SGCZ: variants seen among roughly 807,000 people sequenced by gnomAD.
SGCZ encodes zeta-sarcoglycan.
Under a neutral mutation model 41.3 loss-of-function variants are expected in SGCZ, and 40 were observed. That is an observed-to-expected ratio of 0.97 (90% confidence interval 0.75 to 1.26). The LOEUF (loss-of-function observed/expected upper bound fraction) is 1.26, where lower values mean the gene tolerates loss of function less well. Among genes scored for constraint, SGCZ ranks in the 50% most tolerant of loss-of-function variants. The pLI is 0.00. For synonymous variants in SGCZ, 206 were observed against 137.5 expected, an observed-to-expected ratio of 1.50 and a Z score of -3.49; for missense variants, 552 against 369.8, an observed-to-expected ratio of 1.49 and a Z score of -4.04.
chr8:14,501,896 T>G (rs1427662645), intron 2 of SGCZ, among the ~76,000 whole-genome samples: 2 of 152,104 alleles, frequency 1.3e-5, no homozygotes, highest in Non-Finnish European at 2.9e-5. Context: ...TTGGTAAATG[T>G]ATATTGAAAT....
At position 14,384,244 on chromosome 8, in the gene SGCZ, C is replaced by A. The variant is rs28374354; in HGVS notation, c.235-60040G>T. Among the ~76,000 whole-genome samples the A allele has an allele frequency of 1.5e-3, 224 of 152,168 alleles. 2 individuals carry two copies. The highest frequency in any genetic ancestry group is 4.9e-3 in the African/African-American group (204 of 41,512). ...GGTTTTTTGTCCTTGCGATAGTTTGCTGAGAATGATGGTTTCCAGCTTCAT... is the reference window on the plus strand; with the variant it reads ...GGTTTTTTGTCCTTGCGATAGTTTGATGAGAATGATGGTTTCCAGCTTCAT... On this transcript the variant is annotated intron_variant, in intron 2 of 7. Coordinates refer to ENST00000382080, the MANE Select transcript of SGCZ (RefSeq NM_139167.4).
Position 14,324,155 on chromosome 8 carries a change from C to G in SGCZ, c.284G>C (p.Gly95Ala). The change falls in exon 3 of 8, where the codon GGT becomes GCT. Residue 95 changes from glycine (G) to alanine (A), a missense_variant. By Grantham distance (60) the Gly-to-Ala change is moderately conservative. Transcript: ENST00000382080. ...CAATGGAAGTAGAAACTCAGATATA[C>G]CTTCAAGTCGGATTCCCTTCTTGGT... ...RVTKKGIRLE[G>A]ISEFLLPLYV... 1 of 1,613,122 alleles carries G rather than the reference C, an allele frequency of 6.2e-7. No homozygotes were observed. Among genetic ancestry groups the G allele is most frequent in the Non-Finnish European group, 8.5e-7 (1 of 1,179,540 alleles).
At chr8:14,188,287 A>T (rs898559025) in intron 4 of SGCZ, among the ~76,000 whole-genome samples, 2 of 152,170 alleles carry the variant, frequency 1.3e-5, no homozygotes, top group African/African-American at 4.8e-5. Context: ...AACAGAATAC[A>T]TGCATATTTC....
chr8:14,987,584 C>T (rs1801865897), intron 1 of SGCZ, among the ~76,000 whole-genome samples: 1 of 151,944 alleles, frequency 6.6e-6, no homozygotes, highest in South Asian at 2.1e-4. Context: ...AGTATACTTT[C>T]ATCTTCCACT....
intron 5 of SGCZ, among the ~76,000 whole-genome samples, chr8:14,156,086 G>T (rs1464190543): frequency 6.6e-6 from 1 of 152,146 alleles, no homozygotes. Context: ...TCGGTGAGTG[G>T]TGAGTGAATG....
In SGCZ at chr8:15,204,556, T is replaced by C. The variant is rs572670997; in HGVS notation, c.39+33029A>G. 2.7e-4 allele frequency among the ~76,000 whole-genome samples: 41 copies of C among 152,292 alleles called. 1 individual carries two copies. In the South Asian group the frequency reaches 8.1e-3, roughly 30 times the overall value. The stretch of plus-strand genomic sequence containing the variant: ...ACTGGAAATTGTGGGTATCAGAGGC[T>C]AGCTTTCTTGTGAAGTCTTTCGTCA... On this transcript the variant is annotated intron_variant, in intron 1 of 7. Coordinates refer to ENST00000382080, the MANE Select transcript of SGCZ (RefSeq NM_139167.4).
intron 5 of SGCZ, among the ~76,000 whole-genome samples, chr8:14,115,673 A>AT (rs899903531): frequency 2.2e-3 from 330 of 150,434 alleles, no homozygotes; most frequent in Non-Finnish European, 3.6e-3. Context: ...ATCTTTTTTA[A>AT]TTTTTTTTTG....
intron 3 of SGCZ, among the ~76,000 whole-genome samples, chr8:14,285,552 A>G (rs1800592119): frequency 1.4e-5 from 2 of 148,056 alleles, no homozygotes; most frequent in South Asian, 2.2e-4. Context: ...CTGAAAAAAT[A>G]GGTCCTATCT....
chr8:14,603,299 T>C (rs1334200333), intron 1 of SGCZ, among the ~76,000 whole-genome samples: 2 of 152,326 alleles, frequency 1.3e-5, no homozygotes, highest in East Asian at 3.9e-4. Flanking sequence ...TTTCATTTTA[T>C]AATCAGGAAA....
chr8:14,111,634 T>TCA (rs1207652978), intron 5 of SGCZ, among the ~76,000 whole-genome samples: 2 of 152,210 alleles, frequency 1.3e-5, no homozygotes, highest in Non-Finnish European at 2.9e-5. Context: ...TAATTTAAAC[T>TCA]CACTACAATG....
intron 2 of SGCZ, among the ~76,000 whole-genome samples, chr8:14,433,729 T>G (rs757680494): frequency 5.9e-5 from 9 of 152,216 alleles, no homozygotes; most frequent in Non-Finnish European, 1.2e-4. Flanking sequence ...AATCTGATTT[T>G]CAATGTGAAA....
intron 4 of SGCZ, among the ~76,000 whole-genome samples, chr8:14,166,474 T>A (rs1323991568): frequency 6.6e-6 from 1 of 152,168 alleles, no homozygotes; most frequent in Non-Finnish European, 1.5e-5. Context: ...TGTTAATACA[T>A]GTGACTTACT....
intron 1 of SGCZ, among the ~76,000 whole-genome samples, chr8:15,204,865 A>G (rs1407406066): frequency 6.6e-6 from 1 of 152,218 alleles, no homozygotes; most frequent in East Asian, 1.9e-4. Flanking sequence ...AGACAGGATT[A>G]TATACGATTC....
At chr8:14,801,798 A>T (rs570676876) in intron 1 of SGCZ, among the ~76,000 whole-genome samples, 2 of 151,896 alleles carry the variant, frequency 1.3e-5, no homozygotes, top group South Asian at 4.2e-4. Context: ...GTAAGGAAAA[A>T]GAGCACCAAA....
chr8:14,482,301 A>G (rs1335142057), intron 2 of SGCZ, among the ~76,000 whole-genome samples: 1 of 152,096 alleles, frequency 6.6e-6, no homozygotes, highest in East Asian at 1.9e-4. Context: ...AACACTTTCT[A>G]CCTTTTACGG....
At chr8:14,503,154 G>A (rs973318808) in intron 2 of SGCZ, among the ~76,000 whole-genome samples, 3 of 152,120 alleles carry the variant, frequency 2.0e-5, no homozygotes, top group Non-Finnish European at 2.9e-5. Flanking sequence ...GTGGGGACAT[G>A]GATGAAGCAG....
chr8:14,242,368 A>G (rs1162551976), intron 3 of SGCZ, among the ~76,000 whole-genome samples: 1 of 152,224 alleles, frequency 6.6e-6, no homozygotes, highest in Non-Finnish European at 1.5e-5. Flanking sequence ...AGCTTACAAT[A>G]AAACCATCCA....
intron 1 of SGCZ, among the ~76,000 whole-genome samples, chr8:15,050,382 A>G (rs1205994285): frequency 1.3e-5 from 2 of 152,158 alleles, no homozygotes; most frequent in Admixed American, 6.6e-5. Flanking sequence ...TATGGCACTT[A>G]TGACCTTGGA....
chr8:14,187,036 G>A (rs915301259), intron 4 of SGCZ, among the ~76,000 whole-genome samples: 1 of 152,148 alleles, frequency 6.6e-6, no homozygotes, highest in East Asian at 1.9e-4. Flanking sequence ...TTATCAGCTG[G>A]GTCTGGGTCA....
Sources: gnomAD v4.1 joint callset for allele counts (sites outside exome capture counted in the v4.1 genomes callset) on GRCh38, gnomAD v4.1.1 for gene constraint, MANE v1.5 for transcripts, NCBI Gene and HGNC (gene_info 2026-07-23, HGNC 2026-07-21) for gene names.